Variants in CDH12 observed in about 807,000 individuals in gnomAD.
The protein encoded by CDH12 is cadherin-12.
CDH12 carries 41 observed loss-of-function variants against 74.1 expected under a neutral mutation model. The observed-to-expected ratio is 0.55, with a 90% CI of 0.43 to 0.72. CDH12 has a LOEUF of 0.72. Ranked by LOEUF, CDH12 falls within the 30% of genes least tolerant of loss-of-function variation. The pLI is 0.00. For missense variants in CDH12, 945 were observed against 977.2 expected (o/e 0.97, Z 0.44); for synonymous variants, 399 against 355.0 (o/e 1.12, Z -1.39).
At chr5:21,964,740 A>G (rs1407202360) in intron 6 of CDH12, among the ~76,000 whole-genome samples, 2 of 152,048 alleles carry the variant, frequency 1.3e-5, no homozygotes, top group African/African-American at 2.4e-5. Context: ...TATTTTTAAA[A>G]ATACATTATA....
At chr5:22,065,066 G>A (rs892654592) in intron 5 of CDH12, among the ~76,000 whole-genome samples, 4 of 152,102 alleles carry the variant, frequency 2.6e-5, no homozygotes, top group African/African-American at 9.7e-5. Context: ...ACTCCATCTT[G>A]GGAGATTAAC....
At chr5:21,787,154 A>G (rs1227584989) in intron 10 of CDH12, among the ~76,000 whole-genome samples, 3 of 152,284 alleles carry the variant, frequency 2.0e-5, no homozygotes, top group African/African-American at 7.2e-5. Flanking sequence ...AGGAGGATTG[A>G]CTCCAATTTT....
At chr5:22,852,647 G>A (rs1272949499) in intron 1 of CDH12, among the ~76,000 whole-genome samples, 5 of 152,010 alleles carry the variant, frequency 3.3e-5, no homozygotes, top group African/African-American at 7.3e-5. Flanking sequence ...GAGGGGGGTC[G>A]GCATCTCTGG....
intron 1 of CDH12, among the ~76,000 whole-genome samples, chr5:22,640,901 C>G (rs1739112986): frequency 6.6e-6 from 1 of 152,122 alleles, no homozygotes; most frequent in Admixed American, 6.5e-5. Context: ...ACAAGCCAAT[C>G]ATTTTATTCC....
intron 3 of CDH12, among the ~76,000 whole-genome samples, chr5:22,293,879 T>C (rs895454468): frequency 5.3e-5 from 8 of 152,118 alleles, no homozygotes; most frequent in Non-Finnish European, 1.0e-4. Context: ...GGATACAAAA[T>C]CTCAGTTACA....
chr5:21,846,118 G>A (rs1750153625), intron 7 of CDH12, among the ~76,000 whole-genome samples: 3 of 152,094 alleles, frequency 2.0e-5, no homozygotes, highest in African/African-American at 2.4e-5. Flanking sequence ...AAAAGATTAG[G>A]GTGGTATGGC....
chr5:21,801,563 T>A (rs10941928), intron 10 of CDH12, among the ~76,000 whole-genome samples: 98,446 of 151,984 alleles, frequency 0.65, 33,840 homozygotes, highest in Non-Finnish European at 0.77. Flanking sequence ...AGAGTGACAG[T>A]GGGAGAGAGA....
At chr5:22,622,834 T>A (rs1738049676) in intron 1 of CDH12, among the ~76,000 whole-genome samples, 1 of 152,260 alleles carries the variant, frequency 6.6e-6, no homozygotes, top group South Asian at 2.1e-4. Flanking sequence ...GCCAGCATCA[T>A]CCTGATACCA....
intron 1 of CDH12, among the ~76,000 whole-genome samples, chr5:22,598,735 T>C (rs1254735761): frequency 6.6e-6 from 1 of 152,206 alleles, no homozygotes; most frequent in Non-Finnish European, 1.5e-5. Context: ...AGAATTTATT[T>C]AATAATTTAC....
At chr5:22,204,735 T>A (rs1199792120) in intron 4 of CDH12, among the ~76,000 whole-genome samples, 1 of 152,274 alleles carries the variant, frequency 6.6e-6, no homozygotes. Flanking sequence ...AACATATCTC[T>A]GTGCTTTAGC....
At chr5:22,370,988 G>T (rs541254906) in intron 3 of CDH12, among the ~76,000 whole-genome samples, 2 of 152,214 alleles carry the variant, frequency 1.3e-5, no homozygotes, top group South Asian at 4.1e-4. Flanking sequence ...TTGTTTGGAA[G>T]CTATAGTAAA....
chr5:22,713,710 T>G (rs1316215017), intron 1 of CDH12, among the ~76,000 whole-genome samples: 3 of 151,716 alleles, frequency 2.0e-5, no homozygotes, highest in Non-Finnish European at 4.4e-5. Flanking sequence ...GATGGGAGGG[T>G]GTGTGTATGT....
intron 3 of CDH12, among the ~76,000 whole-genome samples, chr5:22,308,551 G>A (rs1264126468): frequency 6.6e-6 from 1 of 152,124 alleles, no homozygotes; most frequent in East Asian, 1.9e-4. Flanking sequence ...TAGGTTGATA[G>A]TTGTACAACC....
Position 21,883,650 on chromosome 5 carries a change from G to A in CDH12, c.527-28860C>T, listed in dbSNP as rs940994562. On this transcript the variant is annotated intron_variant, in intron 6 of 14. Transcript: ENST00000382254. ...TGGAGAGGTCATTGTGACCAAAGACGATGCCATGCTCTTAAAAGGAAAAGG... is the reference window on the plus strand; with the variant it reads ...TGGAGAGGTCATTGTGACCAAAGACAATGCCATGCTCTTAAAAGGAAAAGG... The A allele has an allele frequency of 1.9e-5, 30 of 1,611,874 alleles. No homozygotes were observed. The African/African-American group carries it at 2.4e-4, about 13-fold the overall frequency.
At chr5:22,113,401 A>C (rs1744923903) in intron 4 of CDH12, among the ~76,000 whole-genome samples, 1 of 152,106 alleles carries the variant, frequency 6.6e-6, no homozygotes, top group African/African-American at 2.4e-5. Context: ...CATCAGAAGA[A>C]TCTTGGTCTC....
At chr5:22,645,492 G>A (rs1474137261) in intron 1 of CDH12, among the ~76,000 whole-genome samples, 1 of 152,036 alleles carries the variant, frequency 6.6e-6, no homozygotes, top group Non-Finnish European at 1.5e-5. Context: ...ATGGTTTCTT[G>A]TGAAGGAATC....
chr5:22,128,407 A>T (rs1745998910), intron 4 of CDH12, among the ~76,000 whole-genome samples: 1 of 148,424 alleles, frequency 6.7e-6, no homozygotes, highest in Non-Finnish European at 1.5e-5. Context: ...GAAAAAGTCC[A>T]GCTAGTTTTT....
At chr5:21,868,026 T>G (rs1189973886) in intron 6 of CDH12, among the ~76,000 whole-genome samples, 1 of 152,188 alleles carries the variant, frequency 6.6e-6, no homozygotes, top group Non-Finnish European at 1.5e-5. Flanking sequence ...TCTGATGGTT[T>G]TATAAGGGGA....
intron 1 of CDH12, among the ~76,000 whole-genome samples, chr5:22,659,736 CT>C (rs972354576): frequency 2.6e-5 from 4 of 152,002 alleles, no homozygotes; most frequent in African/African-American, 9.7e-5. Flanking sequence ...CATCTGATCC[CT>C]GTATATATAC....
Sources: allele counts gnomAD v4.1 joint callset (sites outside exome capture counted in the v4.1 genomes callset), GRCh38; gene constraint gnomAD v4.1.1; transcripts MANE v1.5; gene names NCBI Gene and HGNC (gene_info 2026-07-23, HGNC 2026-07-21).